The following ANKRD36C variants were observed in gnomAD, a reference collection of about 807,000 sequenced individuals.
ANKRD36C encodes the protein ankyrin repeat domain 36C.
A neutral mutation model predicts 276.4 loss-of-function variants in ANKRD36C; 61 were observed. The observed-to-expected ratio is 0.22, with a 90% CI of 0.18 to 0.27. The LOEUF is 0.27. ANKRD36C is among the 10% of genes least tolerant of loss of function. ANKRD36C has a pLI of 1.00. For synonymous variants in ANKRD36C, 483 were observed against 680.1 expected (o/e 0.71, Z 4.51); for missense variants, 1,447 against 2,032.3 (o/e 0.71, Z 5.54).
chr2:95,914,725 C>T (rs555881915), intron 38 of ANKRD36C, among the ~76,000 whole-genome samples: 10 of 151,524 alleles, frequency 6.6e-5, no homozygotes, highest in South Asian at 4.1e-4. Context: ...CAAACATTCA[C>T]CATGCTCTTT....
In ANKRD36C at chr2:95,882,103, G is replaced by T. The variant is rs4146061; in HGVS notation, c.3367+199C>A. 0.015 allele frequency among the ~76,000 whole-genome samples: 2,144 copies of T among 146,864 alleles called. 148 individuals carry two copies. In the East Asian group the frequency reaches 0.16, roughly 11 times the overall value. On this transcript the variant is annotated intron_variant, in intron 56 of 66. Coordinates refer to ENST00000456556, the Ensembl canonical transcript of ANKRD36C. ...TTCTACACAATTTCCATGTAGGGAA[G>T]TCTATAAGCTTGTTACTAAGATCAT...
chr2:95,928,700 C>T (rs1381496221), intron 26 of ANKRD36C, among the ~76,000 whole-genome samples: 1 of 151,476 alleles, frequency 6.6e-6, no homozygotes, highest in East Asian at 1.9e-4. Context: ...ACTTTTCCCT[C>T]TGTTTATAAC....
chr2:95,986,686 A>T, intron 3 of ANKRD36C, 65 bp downstream of exon 3: 1 of 1,374,210 alleles, frequency 7.3e-7, no homozygotes, highest in Non-Finnish European at 9.8e-7. Flanking sequence ...ATTGACCCTT[A>T]CATGTGTCAA....
chr2:95,968,045 T>C (rs1678628281), intron 6 of ANKRD36C, among the ~76,000 whole-genome samples: 1 of 152,126 alleles, frequency 6.6e-6, no homozygotes, highest in Non-Finnish European at 1.5e-5. Flanking sequence ...TGAGCCAAGA[T>C]TGTGCCATTC....
At chr2:95,910,766 C>T (rs978143446) in intron 42 of ANKRD36C, among the ~76,000 whole-genome samples, 198 bp from the exon 45 acceptor site, 1 of 151,258 alleles carries the variant, frequency 6.6e-6, no homozygotes, top group Non-Finnish European at 1.5e-5. Context: ...TGAAATATAC[C>T]CTTACAATTT....
chr2:95,867,632 T>C, intron 59 of ANKRD36C, 51 bp from the exon 80 acceptor site: 10 of 1,455,558 alleles, frequency 6.9e-6, no homozygotes, highest in Admixed American at 2.0e-5. Context: ...ATTTATAGCA[T>C]ATACAAAATG....
chr2:95,939,705 A>AAAAG lies in ANKRD36C; in HGVS notation c.1532-691_1532-690insCTTT, dbSNP rs908124098. 2.7e-4 allele frequency among the ~76,000 whole-genome samples: 8 copies of AAAAG among 29,246 alleles called. No individual in the cohort carries two copies. In the South Asian group the frequency reaches 8.5e-3, roughly 31 times the overall value. 19.2% of individuals were successfully genotyped at this position (29,246 alleles called of 152,430 possible). A position where few individuals can be genotyped will look rare whatever the true frequency, so the allele number is the denominator to read the frequency against. On this transcript the variant is annotated intron_variant, in intron 20 of 66. Coordinates refer to ENST00000456556, the Ensembl canonical transcript of ANKRD36C. ...GGGTGACAGAGCGAGACTCCGTCTC[A>AAAAG]AAAAGAAAAGAAAAGAAAAGAAAAT...
chr2:95,938,656 C>T (rs1023299276), intron 22 of ANKRD36C, among the ~76,000 whole-genome samples, 173 bp downstream of exon 22: 30 of 152,424 alleles, frequency 2.0e-4, no homozygotes, highest in Admixed American at 9.8e-4. Flanking sequence ...GTAAAATGTC[C>T]GCCTTATGCC....
At chr2:95,895,833 A>T (rs1182117952) in intron 44 of ANKRD36C, among the ~76,000 whole-genome samples, 1 of 151,038 alleles carries the variant, frequency 6.6e-6, no homozygotes, top group Non-Finnish European at 1.5e-5. Context: ...GTCGAAACCC[A>T]AAATAAAACC....
At chr2:95,991,708 T>C (rs754082766) in exon 1 of ANKRD36C, 4 of 1,612,578 alleles carry the variant, frequency 2.5e-6, no homozygotes, top group Non-Finnish European at 3.4e-6. Context: ...TTGTCATCCA[T>C]AATGGTCGGC....
chr2:95,988,061 T>C (rs1679067752), intron 1 of ANKRD36C, among the ~76,000 whole-genome samples: 1 of 151,730 alleles, frequency 6.6e-6, no homozygotes, highest in Non-Finnish European at 1.5e-5. Flanking sequence ...CAATCCGTGA[T>C]GCCTTACATT....
At chr2:95,883,832 G>A (rs1676140349) in intron 54 of ANKRD36C, among the ~76,000 whole-genome samples, 1 of 152,104 alleles carries the variant, frequency 6.6e-6, no homozygotes, top group African/African-American at 2.4e-5. Context: ...TGTAATGTCT[G>A]TAAAATCTAT....
At chr2:95,872,505 A>G (rs1387418531) in intron 59 of ANKRD36C, among the ~76,000 whole-genome samples, 4 of 152,252 alleles carry the variant, frequency 2.6e-5, no homozygotes, top group African/African-American at 7.2e-5. Context: ...TCTCTGGGAC[A>G]CATTCAAAGC....
At chr2:95,891,308 G>A (rs1676348254) in intron 46 of ANKRD36C, among the ~76,000 whole-genome samples, 1 of 151,430 alleles carries the variant, frequency 6.6e-6, no homozygotes, top group Non-Finnish European at 1.5e-5. Context: ...TTTCTTGGCA[G>A]TACAATCTGA....
chr2:95,908,544 T>A, intron 42 of ANKRD36C: 2 of 1,551,206 alleles, frequency 1.3e-6, no homozygotes, highest in Non-Finnish European at 8.7e-7. Flanking sequence ...CTGGCTATAT[T>A]CAAAAGAGAA....
chr2:95,919,939 A>T lies in ANKRD36C; in HGVS notation c.2245+1668T>A. On this transcript the variant is annotated intron_variant, in intron 34 of 66. Transcript: ENST00000456556. ...GAAGACACTGAAAAGCAAAAGGGAT[A>T]CATAATCACTCATATATAAATATGA... The T allele has an allele frequency of 3.3e-6, 5 of 1,537,898 alleles. No individual in the cohort carries two copies. In the South Asian group the frequency reaches 4.5e-5, roughly 14 times the overall value.
At chr2:95,927,721 C>T (rs74598362) in intron 26 of ANKRD36C, among the ~76,000 whole-genome samples, 1 of 151,654 alleles carries the variant, frequency 6.6e-6, no homozygotes, top group African/African-American at 2.4e-5. Context: ...GAGTAACTCA[C>T]ACACCTGAGA....
chr2:95,943,417 G>A (rs1677950232), intron 19 of ANKRD36C, among the ~76,000 whole-genome samples: 1 of 151,224 alleles, frequency 6.6e-6, no homozygotes, highest in African/African-American at 2.4e-5. Flanking sequence ...CCCGGGAGGT[G>A]GAGCTTGCAG....
rs571595352 is a variant in ANKRD36C, at chr2:95,919,845, A to C, written c.2245+1762T>G. The stretch of plus-strand genomic sequence containing the variant: ...AAAGAAAATAATAAATAAATAAATC[A>C]ATGAAGTATGTGTCATAGACTACAA... On this transcript the variant is annotated intron_variant, in intron 34 of 66. Transcript: ENST00000456556. The C allele has an allele frequency of 1.6e-4, 238 of 1,527,906 alleles. 34 individuals carry two copies. In the African/African-American group the frequency reaches 2.9e-3, roughly 19 times the overall value. 94.6% of individuals were successfully genotyped at this position (1,527,906 alleles called of 1,614,324 possible). A position where few individuals can be genotyped will look rare whatever the true frequency, so the allele number is the denominator to read the frequency against.
Sources: allele counts gnomAD v4.1 joint callset (sites outside exome capture counted in the v4.1 genomes callset), GRCh38; gene constraint gnomAD v4.1.1; transcripts MANE v1.5; gene names NCBI Gene and HGNC (gene_info 2026-07-23, HGNC 2026-07-21).